The following PTPRC variants were observed in gnomAD, a reference collection of about 807,000 sequenced individuals.
PTPRC encodes the protein receptor-type tyrosine-protein phosphatase C.
PTPRC carries 44 observed loss-of-function variants against 155.9 expected under a neutral mutation model. That is an observed-to-expected ratio of 0.28 (90% CI 0.22 to 0.36). The LOEUF (loss-of-function observed/expected upper bound fraction) is 0.36. Among genes scored for constraint, PTPRC ranks in the 10% least tolerant of loss-of-function variants. PTPRC has a pLI of 1.00. For synonymous variants in PTPRC, 525 were observed against 533.1 expected, an observed-to-expected ratio of 0.98 and a Z score of 0.21; for missense variants, 1,401 against 1,564.6, an observed-to-expected ratio of 0.90 and a Z score of 1.76.
chr1:198,658,509 A>G (rs1308987713), intron 2 of PTPRC, among the ~76,000 whole-genome samples: 1 of 152,206 alleles, frequency 6.6e-6, no homozygotes, highest in Non-Finnish European at 1.5e-5. Flanking sequence ...TAGAATGTTT[A>G]CCATGATTTA....
At chr1:198,667,045 T>A (rs534494458) in intron 2 of PTPRC, 1 of 152,358 alleles carries the variant, frequency 6.6e-6, no homozygotes, top group East Asian at 1.9e-4. Flanking sequence ...TAGGCTTTTG[T>A]CTTCATGCTC....
intron 2 of PTPRC, among the ~76,000 whole-genome samples, chr1:198,673,461 AT>A (rs1373098028): frequency 1.3e-5 from 2 of 152,190 alleles, no homozygotes; most frequent in Admixed American, 6.5e-5. Flanking sequence ...GCTAATGTAT[AT>A]GGTATACTTA....
intron 2 of PTPRC, 55 bp from the exon 3 acceptor site, chr1:198,692,292 A>G: frequency 7.5e-7 from 1 of 1,335,998 alleles, no homozygotes; most frequent in South Asian, 1.4e-5. Flanking sequence ...ATATGTTTAC[A>G]TTAATATGAA....
At position 198,699,665 on chromosome 1, in the gene PTPRC, G is replaced by A. The variant is rs1666371206; in HGVS notation, c.400G>A (p.Ala134Thr). The A allele has an allele frequency of 6.2e-7, 1 of 1,614,072 alleles. No individual in the cohort carries two copies. Among genetic ancestry groups the A allele is most frequent in the Non-Finnish European group, 8.5e-7 (1 of 1,180,040 alleles). ...GACATTCAGCGGCTCCGCCGCCAAT[G>A]CAAAACTCAACCCTACCCCAGGCAG... ...TQTFSGSAAN[A>T]KLNPTPGSNA... Residue 134 changes from alanine (A) to threonine (T), a missense_variant, in exon 5 of 33, where the codon GCA becomes ACA. This residue lies in a region of PTPRC where 867 missense variants were observed against 970.4 expected (regional missense o/e 0.89). Transcript: ENST00000442510.
At chr1:198,639,442 G>A (rs1662453680) in intron 2 of PTPRC, 101 bp downstream of exon 2, 3 of 897,882 alleles carry the variant, frequency 3.3e-6, no homozygotes, top group Admixed American at 4.2e-5. Flanking sequence ...GTAACTGGAA[G>A]TGAGAAGCCT....
At chr1:198,744,330 C>G (rs1655044036) in intron 26 of PTPRC, 127 bp downstream of exon 26, 1 of 942,920 alleles carries the variant, frequency 1.1e-6, no homozygotes, top group Admixed American at 2.0e-5. Context: ...CAAAGGAGCA[C>G]AGATGAGAAA....
Position 198,713,469 on chromosome 1 carries a change from T to C in PTPRC, c.1291+397T>C, listed in dbSNP as rs575719085. On this transcript the variant is annotated intron_variant, in intron 12 of 32. Transcript: ENST00000442510. ...CCCTTGTAAAACTTGTTTCAGCTAA[T>C]AATACAGACAAAATGTTGGGTGAAT... Among the ~76,000 whole-genome samples the C allele has an allele frequency of 2.0e-5, 3 of 152,202 alleles. No individual in the cohort carries two copies. In the South Asian group the frequency reaches 6.2e-4, roughly 31 times the overall value.
At chr1:198,668,680 C>A (rs1293590942) in intron 2 of PTPRC, among the ~76,000 whole-genome samples, 1 of 152,066 alleles carries the variant, frequency 6.6e-6, no homozygotes, top group Non-Finnish European at 1.5e-5. Flanking sequence ...GATACATGAC[C>A]AAGCTTGAAG....
intron 14 of PTPRC, among the ~76,000 whole-genome samples, chr1:198,719,679 C>T (rs537091062): frequency 3.3e-5 from 5 of 151,944 alleles, no homozygotes; most frequent in East Asian, 3.9e-4. Flanking sequence ...GGCGTGATCT[C>T]GGCTCACTGC....
Position 198,755,886 on chromosome 1 carries a change from C to A in PTPRC, c.3646-20C>A. The A allele has an allele frequency of 6.3e-7, 1 of 1,595,520 alleles. No homozygotes were observed. Among genetic ancestry groups the A allele is most frequent in the South Asian group, 1.1e-5 (1 of 90,370 alleles). On this transcript the variant is annotated intron_variant, in intron 32 of 32. Coordinates refer to ENST00000442510, the MANE Select transcript of PTPRC (RefSeq NM_002838.5). ...ACATCAACTTTCTTCATGTAATTTC[C>A]CACTTAATTCCTTTACTAGGAGCAA...
At chr1:198,648,889 C>T (rs7411996) in intron 2 of PTPRC, among the ~76,000 whole-genome samples, 1 of 151,670 alleles carries the variant, frequency 6.6e-6, no homozygotes, top group Non-Finnish European at 1.5e-5. Context: ...AAGTGAAAAA[C>T]ATTAAATAAT....
chr1:198,754,118 G>A lies in PTPRC; in HGVS notation c.3510-151G>A, dbSNP rs114128254. The A allele has an allele frequency of 7.3e-3, 6,732 of 921,924 alleles. 40 individuals are homozygous for A. The highest frequency in any genetic ancestry group is 9.7e-3 in the Non-Finnish European group (6,111 of 631,336). 57.1% of individuals were successfully genotyped at this position (921,924 alleles called of 1,614,324 possible). The stretch of plus-strand genomic sequence containing the variant: ...AAATTTGCCTAAAAATGCATTTAGC[G>A]TAAATAATTTGGTTCTTGAAAGAGG... On this transcript the variant is annotated intron_variant, in intron 31 of 32. Transcript: ENST00000442510.
chr1:198,690,627 G>A (rs562355415), intron 2 of PTPRC, among the ~76,000 whole-genome samples: 80 of 152,038 alleles, frequency 5.3e-4, no homozygotes, highest in African/African-American at 1.7e-3. Flanking sequence ...TGAAGAATAC[G>A]GGGTGATGCT....
intron 2 of PTPRC, among the ~76,000 whole-genome samples, chr1:198,687,878 A>G (rs948787016): frequency 2.1e-4 from 32 of 152,216 alleles, no homozygotes; most frequent in African/African-American, 7.5e-4. Flanking sequence ...TTTTATTTTA[A>G]ATAGATTCTA....
chr1:198,678,337 G>A (rs1665080076), intron 2 of PTPRC, among the ~76,000 whole-genome samples: 1 of 152,146 alleles, frequency 6.6e-6, no homozygotes, highest in Non-Finnish European at 1.5e-5. Context: ...TTTTGATGTT[G>A]TTCACTCAAC....
At position 198,750,692 on chromosome 1, in the gene PTPRC, T is replaced by A. The variant is rs563116787; in HGVS notation, c.3207+66T>A. 9.5e-6 allele frequency: 15 copies of A among 1,575,516 alleles called. No individual in the cohort carries two copies. In the African/African-American group the frequency reaches 2.0e-4, roughly 21 times the overall value. On this transcript the variant is annotated intron_variant, in intron 29 of 32. Coordinates refer to ENST00000442510, the MANE Select transcript of PTPRC (RefSeq NM_002838.5). ...TAAAACGTCATTCTCTAGTCTTGGA[T>A]TGCTTGCTTCATCGCCATACCCACG...
intron 23 of PTPRC, among the ~76,000 whole-genome samples, chr1:198,736,467 A>G (rs1654642978): frequency 6.6e-6 from 1 of 151,688 alleles, no homozygotes; most frequent in Admixed American, 6.6e-5. Flanking sequence ...GGCTTATTTC[A>G]CTTAACGTAA....
intron 2 of PTPRC, among the ~76,000 whole-genome samples, chr1:198,641,053 G>A (rs1341953525): frequency 6.6e-6 from 1 of 151,814 alleles, no homozygotes; most frequent in Non-Finnish European, 1.5e-5. Context: ...TTATACCATA[G>A]CAAATAAATG....
At chr1:198,699,010 C>G (rs1666339463) in intron 4 of PTPRC, among the ~76,000 whole-genome samples, 3 of 152,220 alleles carry the variant, frequency 2.0e-5, no homozygotes, top group African/African-American at 7.2e-5. Flanking sequence ...TAGATATTAT[C>G]AACCTTTTAA....
Sources: allele counts gnomAD v4.1 joint callset (sites outside exome capture counted in the v4.1 genomes callset), GRCh38; gene constraint gnomAD v4.1.1; regional missense constraint gnomAD v4.1.1; transcripts MANE v1.5; gene names NCBI Gene and HGNC (gene_info 2026-07-23, HGNC 2026-07-21).